The following TCF7 variants were observed in gnomAD, a reference collection of about 807,000 sequenced individuals.
TCF7 encodes the protein transcription factor 7.
A neutral mutation model predicts 46.8 loss-of-function variants in TCF7; 19 were observed. That is an observed-to-expected ratio of 0.41 (90% confidence interval 0.28 to 0.60). TCF7 has a LOEUF of 0.60. Ranked by LOEUF, TCF7 falls within the 20% of genes least tolerant of loss-of-function variation. The pLI is 0.35. For missense variants in TCF7, 547 were observed against 504.6 expected, an observed-to-expected ratio of 1.08 and a Z score of -0.81; for synonymous variants, 245 against 213.4, an observed-to-expected ratio of 1.15 and a Z score of -1.29.
intron 9 of TCF7, chr5:134,145,991 C>T (rs1372841875): frequency 6.8e-7 from 1 of 1,476,476 alleles, no homozygotes; most frequent in Non-Finnish European, 8.9e-7. Flanking sequence ...GCCCATAGGC[C>T]TAGTGACAAA....
chr5:134,113,771 G>C (rs1755426481), upstream of TCF7, among the ~76,000 whole-genome samples: 1 of 152,280 alleles, frequency 6.6e-6, no homozygotes, highest in Admixed American at 6.5e-5. Flanking sequence ...CGCAAATCTA[G>C]ATGTTTCAGC....
intron 3 of TCF7, among the ~76,000 whole-genome samples, chr5:134,133,890 A>G (rs1055100064): frequency 3.3e-5 from 5 of 152,214 alleles, no homozygotes; most frequent in African/African-American, 9.6e-5. Flanking sequence ...CATCACATGC[A>G]TATGTACCAG....
intron 6 of TCF7, 42 bp downstream of exon 6, chr5:134,142,346 G>A: frequency 6.6e-7 from 1 of 1,522,306 alleles, no homozygotes; most frequent in Non-Finnish European, 8.9e-7. Context: ...TGTCAGTCAG[G>A]ATACACATGC....
At chr5:134,121,617 A>C (rs902882389) in intron 3 of TCF7, among the ~76,000 whole-genome samples, 4 of 149,676 alleles carry the variant, frequency 2.7e-5, no homozygotes, top group Non-Finnish European at 5.9e-5. Context: ...AAAAACCCTC[A>C]TGGCCATCAG....
In TCF7 at chr5:134,125,820, C is replaced by T. The variant is rs762896613; in HGVS notation, c.441+9787C>T. On this transcript the variant is annotated intron_variant, in intron 3 of 9. Coordinates refer to ENST00000342854, the MANE Select transcript of TCF7 (RefSeq NM_003202.5). ...GGCCTGCCCGGGAGACCCCGGTGTC[C>T]GGTGGAAAACCCGCTAAGCAGGAGG... is the stretch of plus-strand genomic sequence containing the variant. Among the ~76,000 whole-genome samples the T allele has an allele frequency of 5.9e-5, 9 of 152,256 alleles. No homozygotes were observed. In the South Asian group the frequency reaches 1.5e-3, roughly 25 times the overall value.
intron 6 of TCF7, 117 bp downstream of exon 6, chr5:134,142,421 GT>G: frequency 8.5e-6 from 2 of 235,782 alleles, no homozygotes; most frequent in South Asian, 5.5e-5. Context: ...CTCTGGCTAT[GT>G]TTTTGATCCT....
At chr5:134,137,857 G>C (rs1003576462) in intron 3 of TCF7, 5 of 426,924 alleles carry the variant, frequency 1.2e-5, no homozygotes, top group Admixed American at 4.4e-5. Context: ...GGCTTTCTAG[G>C]GGGTGGGACT....
intron 3 of TCF7, among the ~76,000 whole-genome samples, chr5:134,126,732 A>G (rs1757393818): frequency 6.6e-6 from 1 of 152,182 alleles, no homozygotes; most frequent in Non-Finnish European, 1.5e-5. Flanking sequence ...CCCCGTCTCT[A>G]CTAAAAATAC....
intron 3 of TCF7, among the ~76,000 whole-genome samples, chr5:134,129,765 T>G (rs867622327): frequency 6.6e-6 from 1 of 152,350 alleles, no homozygotes; most frequent in South Asian, 2.1e-4. Context: ...TTGCCAAGGC[T>G]GCATGCAGGG....
rs752368134 is a variant in TCF7 at position 134,146,576 on chromosome 5, A to G, written c.*273A>G. ...AGCCTACCCCCTGAAAGTGACAGAGACCCAGATCTCATGGAAACTGGCCAG... is the reference window on the plus strand; with the variant it reads ...AGCCTACCCCCTGAAAGTGACAGAGGCCCAGATCTCATGGAAACTGGCCAG... On this transcript the variant is annotated 3_prime_UTR_variant, in exon 10 of 10. Transcript: ENST00000342854. 5 of 698,348 alleles carry G rather than the reference A, an allele frequency of 7.2e-6. No homozygotes were observed. In the South Asian group the frequency reaches 7.7e-5, roughly 11 times the overall value. 43.3% of individuals were successfully genotyped at this position (698,348 alleles called of 1,614,324 possible). A position where few individuals can be genotyped will look rare whatever the true frequency, so the allele number is the denominator to read the frequency against.
chr5:134,117,359 T>C (rs1274570266), intron 3 of TCF7, among the ~76,000 whole-genome samples: 1 of 152,206 alleles, frequency 6.6e-6, no homozygotes. Context: ...AAGATGCGTT[T>C]TGGATCCCTA....
intron 3 of TCF7, among the ~76,000 whole-genome samples, chr5:134,129,711 C>A (rs1257957047): frequency 6.6e-6 from 1 of 152,256 alleles, no homozygotes; most frequent in Non-Finnish European, 1.5e-5. Flanking sequence ...CAGTGAGTTC[C>A]GAGGGTGCCT....
Position 134,142,830 on chromosome 5 carries a change from G to A in TCF7, c.865G>A (p.Ala289Thr). ...YMKEMRAKVIAECTLKESAAI... is the reference protein window; with the variant it reads ...YMKEMRAKVITECTLKESAAI... ...GAAGGAGATGAGAGCCAAGGTCATT[G>A]CAGAGTGCACACTTAAGGAGAGCGC... The change falls in exon 7 of 10, where the codon GCA (alanine) becomes ACA (threonine). Residue 289 changes from alanine to threonine, a missense_variant. Ala to Thr is a moderately conservative substitution (Grantham distance 58). Transcript: ENST00000342854. The A allele has an allele frequency of 1.2e-6, 2 of 1,614,208 alleles. No homozygotes were observed. Among genetic ancestry groups the A allele is most frequent in the South Asian group, 2.2e-5 (2 of 91,086 alleles).
chr5:134,144,968 A>G, intron 9 of TCF7: 1 of 1,043,168 alleles, frequency 9.6e-7, no homozygotes, highest in Non-Finnish European at 1.5e-6. Flanking sequence ...TTGGCCCCTC[A>G]GCCCACTAGC....
At position 134,115,407 on chromosome 5, in the gene TCF7, G is replaced by A. The variant is rs528609332; in HGVS notation, c.316+20G>A. On this transcript the variant is annotated intron_variant, in intron 2 of 9. Coordinates refer to ENST00000342854, the MANE Select transcript of TCF7 (RefSeq NM_003202.5). The stretch of plus-strand genomic sequence containing the variant: ...AGGACGGTGAGTTTCTGCCCGGCCC[G>A]GCTTCCCTTCGTCGCGCTCAGGCCC... The A allele has an allele frequency of 5.2e-5, 82 of 1,588,518 alleles. No homozygotes were observed. In the South Asian group the frequency reaches 8.9e-4, roughly 17 times the overall value.
chr5:134,115,402 G>T lies in TCF7; in HGVS notation c.316+15G>T. ...CCTGGAGGACGGTGAGTTTCTGCCCGGCCCGGCTTCCCTTCGTCGCGCTCA... is the reference window on the plus strand; with the variant it reads ...CCTGGAGGACGGTGAGTTTCTGCCCTGCCCGGCTTCCCTTCGTCGCGCTCA... On this transcript the variant is annotated intron_variant, in intron 2 of 9. Transcript: ENST00000342854. The T allele has an allele frequency of 6.3e-7, 1 of 1,591,698 alleles. No individual in the cohort carries two copies. Among genetic ancestry groups the T allele is most frequent in the Non-Finnish European group, 8.5e-7 (1 of 1,169,796 alleles).
intron 3 of TCF7, among the ~76,000 whole-genome samples, chr5:134,120,164 A>G (rs979485888): frequency 6.6e-6 from 1 of 152,048 alleles, no homozygotes; most frequent in Non-Finnish European, 1.5e-5. Context: ...AGGGACTGGC[A>G]GGCCCCAGGC....
intron 5 of TCF7, chr5:134,139,861 C>T (rs1759474680): frequency 6.6e-6 from 1 of 152,334 alleles, no homozygotes; most frequent in African/African-American, 2.4e-5. Context: ...TCCGTTCCAG[C>T]TTCTCCTTGG....
intron 4 of TCF7, chr5:134,138,460 CCT>C (rs1335851086): frequency 8.5e-6 from 3 of 352,466 alleles, no homozygotes; most frequent in Admixed American, 4.4e-5. Context: ...AGCCTTTCCT[CCT>C]CTCAGTGAGA....
Sources: allele counts gnomAD v4.1 joint callset (sites outside exome capture counted in the v4.1 genomes callset), GRCh38; gene constraint gnomAD v4.1.1; transcripts MANE v1.5; gene names NCBI Gene and HGNC (gene_info 2026-07-23, HGNC 2026-07-21).